The following SMTNL1 variants were observed in gnomAD, a reference collection of about 807,000 sequenced individuals.
SMTNL1 encodes smoothelin-like protein 1.
In SMTNL1, 41 loss-of-function variants were observed where a neutral mutation model predicts 46.6. The ratio of observed to expected loss-of-function variants is 0.88; its 90% CI spans 0.69 to 1.14. The LOEUF is 1.14. Among genes scored for constraint, SMTNL1 ranks in the 50% most tolerant of loss-of-function variants. The pLI, the probability that SMTNL1 is intolerant of heterozygous loss-of-function variation, is 0.00. For missense variants in SMTNL1, 591 were observed against 626.1 expected, an observed-to-expected ratio of 0.94 and a Z score of 0.60; for synonymous variants, 234 against 234.2, an observed-to-expected ratio of 1.00 and a Z score of 0.01.
intron 4 of SMTNL1, among the ~76,000 whole-genome samples, chr11:57,544,386 A>G (rs1465101502): frequency 6.6e-6 from 1 of 152,178 alleles, no homozygotes; most frequent in African/African-American, 2.4e-5. Flanking sequence ...TCTCAAAACA[A>G]CAACAACAGC....
intron 1 of SMTNL1, chr11:57,541,632 G>A: frequency 7.5e-7 from 1 of 1,329,120 alleles, no homozygotes; most frequent in Non-Finnish European, 1.0e-6. Flanking sequence ...CAGGCTGGTA[G>A]AGCTGGCAAA....
chr11:57,540,973 T>A (rs1371489119), intron 1 of SMTNL1, among the ~76,000 whole-genome samples: 1 of 152,178 alleles, frequency 6.6e-6, no homozygotes, highest in Non-Finnish European at 1.5e-5. Flanking sequence ...GCTCCCAAAG[T>A]GCTGGGATTA....
intron 4 of SMTNL1, 41 bp downstream of exon 4, chr11:57,543,961 C>T: frequency 2.6e-6 from 4 of 1,549,878 alleles, no homozygotes; most frequent in Non-Finnish European, 3.5e-6. Context: ...ATTCCCCCTA[C>T]CTCCTGCTTC....
chr11:57,546,060 G>A (rs752837867), intron 5 of SMTNL1, 24 bp downstream of exon 5: 2 of 1,550,828 alleles, frequency 1.3e-6, no homozygotes, highest in East Asian at 4.5e-5. Context: ...CAGGGGCTGG[G>A]CTGGGCTTTC....
At chr11:57,542,584 G>T (rs942574891) in intron 1 of SMTNL1, 57 bp from the exon 2 acceptor site, 2 of 1,530,610 alleles carry the variant, frequency 1.3e-6, no homozygotes, top group Middle Eastern at 3.7e-4. Flanking sequence ...TGAGGGTGGG[G>T]TCTTCACCTC....
intron 4 of SMTNL1, 145 bp downstream of exon 4, chr11:57,544,065 C>CTCTGCCCTGGGAT: frequency 2.2e-6 from 2 of 907,700 alleles, no homozygotes; most frequent in Non-Finnish European, 3.4e-6. Flanking sequence ...TATCCCAGGG[C>CTCTGCCCTGGGAT]AGAGCCCAGG....
intron 1 of SMTNL1, among the ~76,000 whole-genome samples, chr11:57,542,135 CA>C (rs1944884368): frequency 6.7e-6 from 1 of 148,420 alleles, no homozygotes; most frequent in Non-Finnish European, 1.5e-5. Flanking sequence ...CACACACACA[CA>C]CACACACAAA....
At position 57,546,662 on chromosome 11, in the gene SMTNL1, A is replaced by T; in HGVS notation, c.1340+10A>T. The T allele has an allele frequency of 6.2e-7, 1 of 1,611,818 alleles. No individual in the cohort carries two copies. The highest frequency in any genetic ancestry group is 8.5e-7 in the Non-Finnish European group (1 of 1,178,968). On this transcript the variant is annotated intron_variant, in intron 7 of 7. Coordinates refer to ENST00000527972, the MANE Select transcript of SMTNL1 (RefSeq NM_001105565.3). ...CCTTCTCCACAGCAGAGTAAGCCAC[A>T]GCCATGGGCTGGCAGAGCTGGATGG...
rs371152220 is a variant in SMTNL1 at position 57,546,034 on chromosome 11, C to T, written c.1071C>T (p.Gly357=). Residue 357 remains glycine, a splice_region_variant and synonymous_variant, in exon 5 of 8, where the codon GGC becomes GGT. Transcript: ENST00000527972. ...QNRKAIVDKF[G]GAASGPTALF... is the part of the protein sequence containing the mutation. ...GCAAAGCCATCGTGGACAAGTTTGGCGGGTAGGACACAGGCCAGGGGCTGG... is the reference window on the plus strand; with the variant it reads ...GCAAAGCCATCGTGGACAAGTTTGGTGGGTAGGACACAGGCCAGGGGCTGG... 25 of 1,580,568 alleles carry T rather than the reference C, an allele frequency of 1.6e-5. No homozygotes were observed. The highest frequency in any genetic ancestry group is 8.1e-5 in the African/African-American group (6 of 73,822).
At position 57,542,953 on chromosome 11, in the gene SMTNL1, C is replaced by T; in HGVS notation, c.311C>T (p.Thr104Ile). The T allele has an allele frequency of 6.2e-7, 1 of 1,602,462 alleles. No homozygotes were observed. The highest frequency in any genetic ancestry group is 8.5e-7 in the Non-Finnish European group (1 of 1,174,502). ...LKKEDGEKEE[T>I]TVGSQEMTGR... ...AAGGAGGATGGTGAGAAGGAAGAGA[C>T]CACTGTGGGTTCTCAGGAGATGACT... is the stretch of plus-strand genomic sequence containing the variant. Residue 104 changes from threonine to isoleucine, a missense_variant, in exon 2 of 8, where the codon ACC (threonine) becomes ATC (isoleucine). By Grantham distance (89) the Thr-to-Ile change is moderately conservative (BLOSUM62 -1). Transcript: ENST00000527972.
At chr11:57,540,305 C>T (rs1300085835) in intron 1 of SMTNL1, among the ~76,000 whole-genome samples, 2 of 152,108 alleles carry the variant, frequency 1.3e-5, no homozygotes, top group Non-Finnish European at 2.9e-5. Flanking sequence ...TAATATGTTG[C>T]CTAGGCTGGT....
intron 4 of SMTNL1, among the ~76,000 whole-genome samples, chr11:57,544,358 C>T (rs553983824): frequency 1.5e-4 from 23 of 152,244 alleles, no homozygotes; most frequent in African/African-American, 4.1e-4. Context: ...GCAGCCTGGG[C>T]GACAGAGCAA....
In SMTNL1 at chr11:57,543,801, G is replaced by GGGGGA. The variant is rs1281291658; in HGVS notation, c.865+50_865+54dup. The GGGGGA allele has an allele frequency of 2.6e-6, 4 of 1,556,336 alleles. No homozygotes were observed. The African/African-American group carries it at 5.5e-5, about 21-fold the overall frequency. On this transcript the variant is annotated intron_variant, in intron 3 of 7. Transcript: ENST00000527972. Reference sequence around the variant, plus strand: ...CCATGGGATGCTGCAGAGGCCACCTGGGGGAGGGGCGCAAGAAGCATGCCA... The same window carrying GGGGGA: ...CCATGGGATGCTGCAGAGGCCACCTGGGGGAGGGGAGGGGCGCAAGAAGCATGCCA...
At chr11:57,541,443 A>C in intron 1 of SMTNL1, 1 of 1,328,136 alleles carries the variant, frequency 7.5e-7, no homozygotes, top group Non-Finnish European at 1.0e-6. Flanking sequence ...GTTTTTGTAG[A>C]TCCTCCAGTA....
chr11:57,548,487 T>A (rs552428023), intron 7 of SMTNL1, among the ~76,000 whole-genome samples: 1 of 152,206 alleles, frequency 6.6e-6, no homozygotes. Flanking sequence ...CTGGCCAACA[T>A]GGTGAAACCT....
At chr11:57,541,456 T>TAC in intron 1 of SMTNL1, 1 of 1,364,874 alleles carries the variant, frequency 7.3e-7, no homozygotes, top group Non-Finnish European at 9.8e-7. Context: ...CTCCAGTATA[T>TAC]ACAGTACTTA....
intron 4 of SMTNL1, 113 bp downstream of exon 4, chr11:57,544,033 G>A (rs1944903335): frequency 2.6e-6 from 3 of 1,137,326 alleles, no homozygotes; most frequent in Non-Finnish European, 2.5e-6. Context: ...AGATATTCGA[G>A]GATTCCTGGC....
At chr11:57,543,779 T>C (rs1304066078) in intron 3 of SMTNL1, 23 bp downstream of exon 3, 2 of 1,556,338 alleles carry the variant, frequency 1.3e-6, no homozygotes, top group South Asian at 1.2e-5. Context: ...CCAGAGCCCA[T>C]GGGATGCTGC....
chr11:57,540,144 A>G (rs1031084587), intron 1 of SMTNL1, among the ~76,000 whole-genome samples: 1 of 152,224 alleles, frequency 6.6e-6, no homozygotes, highest in African/African-American at 2.4e-5. Flanking sequence ...ATAGGTTTGG[A>G]AAAAAGTGAG....
Sources: gnomAD v4.1 joint callset for allele counts (sites outside exome capture counted in the v4.1 genomes callset) on GRCh38, gnomAD v4.1.1 for gene constraint, MANE v1.5 for transcripts, NCBI Gene and HGNC (gene_info 2026-07-23, HGNC 2026-07-21) for gene names.